Variants in UNC13B observed in about 807,000 individuals in gnomAD.
UNC13B encodes unc-13 homolog B.
A neutral mutation model predicts 211.0 loss-of-function variants in UNC13B; 144 were observed. The ratio of observed to expected loss-of-function variants is 0.68; its 90% confidence interval spans 0.60 to 0.78. The LOEUF (loss-of-function observed/expected upper bound fraction) is 0.78. Among genes scored for constraint, UNC13B ranks in the 30% least tolerant of loss-of-function variants. The pLI is 0.00. For synonymous variants in UNC13B, 709 were observed against 725.8 expected (o/e 0.98, Z 0.37); for missense variants, 1,777 against 2,002.0 (o/e 0.89, Z 2.14).
intron 26 of UNC13B, among the ~76,000 whole-genome samples, chr9:35,393,574 C>CTTTTTT (rs749007486): frequency 3.4e-5 from 4 of 118,876 alleles, no homozygotes; most frequent in Admixed American, 8.9e-5. Context: ...GACTCTCTCT[C>CTTTTTT]TTTTTTTTTT....
intron 14 of UNC13B, among the ~76,000 whole-genome samples, chr9:35,375,827 A>G (rs553285579): frequency 2.0e-5 from 3 of 152,272 alleles, no homozygotes; most frequent in Non-Finnish European, 4.4e-5. Flanking sequence ...CTAAAAATAC[A>G]AAAATTAGCT....
intron 11 of UNC13B, among the ~76,000 whole-genome samples, chr9:35,347,863 CT>C (rs1832465469): frequency 6.6e-6 from 1 of 152,160 alleles, no homozygotes; most frequent in African/African-American, 2.4e-5. Flanking sequence ...CATTTGCCCC[CT>C]GTGTGGCTGG....
At chr9:35,378,226 A>G in intron 16 of UNC13B, 69 bp from the exon 17 acceptor site, 2 of 1,591,088 alleles carry the variant, frequency 1.3e-6, no homozygotes, top group Non-Finnish European at 1.7e-6. Flanking sequence ...TAAGATGGAA[A>G]GCATATGAGT....
At chr9:35,326,202 G>A (rs550866205) in intron 11 of UNC13B, among the ~76,000 whole-genome samples, 38 of 151,998 alleles carry the variant, frequency 2.5e-4, no homozygotes, top group Non-Finnish European at 5.0e-4. Context: ...ATTTTGATTT[G>A]CATTTCCTTA....
At chr9:35,367,946 ATCAGAAGTC>A (rs1198571986) in intron 12 of UNC13B, among the ~76,000 whole-genome samples, 8 of 152,216 alleles carry the variant, frequency 5.3e-5, no homozygotes, top group Admixed American at 5.2e-4. Context: ...GGCTTCTGAC[ATCAGAAGTC>A]TCAGTAGTTG....
chr9:35,356,500 C>A (rs1440390640), intron 11 of UNC13B, among the ~76,000 whole-genome samples: 1 of 152,036 alleles, frequency 6.6e-6, no homozygotes, highest in Non-Finnish European at 1.5e-5. Context: ...TAGATGTCCA[C>A]CATATTGCCA....
chr9:35,392,431 G>A (rs1484574058), intron 26 of UNC13B, among the ~76,000 whole-genome samples: 1 of 152,128 alleles, frequency 6.6e-6, no homozygotes, highest in Non-Finnish European at 1.5e-5. Flanking sequence ...AATGGGCTTT[G>A]ATAGACATTG....
chr9:35,303,491 A>G lies in UNC13B; in HGVS notation c.4087A>G (p.Lys1363Glu), dbSNP rs1829783224. 2.5e-6 allele frequency: 1 copy of G among 398,724 alleles called. No individual in the cohort carries two copies. Among genetic ancestry groups the G allele is most frequent in the South Asian group, 1.3e-4 (1 of 7,870 alleles). The allele number at this position is 398,724 out of a possible 1,614,324, so 24.7% of individuals were successfully genotyped here. ...PFCFEWDSDIKDLSKNSRKLQ... is the reference protein window; with the variant it reads ...PFCFEWDSDIEDLSKNSRKLQ... ...CTGTTTTGAATGGGACTCTGACATAAAAGATTTGTCTAAAAATTCCAGAAA... is the reference window on the plus strand; with the variant it reads ...CTGTTTTGAATGGGACTCTGACATAGAAGATTTGTCTAAAAATTCCAGAAA... Residue 1363 changes from lysine to glutamate, a missense_variant, in exon 9 of 40, where the codon AAA becomes GAA. Coordinates refer to ENST00000635942, the MANE Select transcript of UNC13B (RefSeq NM_001371189.2).
At chr9:35,248,678 A>C (rs751402630) in intron 6 of UNC13B, among the ~76,000 whole-genome samples, 3 of 151,996 alleles carry the variant, frequency 2.0e-5, no homozygotes, top group Non-Finnish European at 2.9e-5. Flanking sequence ...GAATGAGTTT[A>C]TTACTCCTGA....
intron 2 of UNC13B, among the ~76,000 whole-genome samples, chr9:35,228,530 T>G (rs1448545850): frequency 6.6e-6 from 1 of 151,860 alleles, no homozygotes; most frequent in African/African-American, 2.4e-5. Context: ...TGGATAAATA[T>G]TGAAATATCA....
At chr9:35,365,570 AGGGATT>A (rs1184705407) in intron 11 of UNC13B, among the ~76,000 whole-genome samples, 1 of 148,488 alleles carries the variant, frequency 6.7e-6, no homozygotes, top group Non-Finnish European at 1.5e-5. Flanking sequence ...CTGGGGATTT[AGGGATT>A]GGCTCCCCAA....
rs1184920736 is a variant in UNC13B at position 35,304,051 on chromosome 9, G to A, written c.4647G>A (p.Gly1549=). The A allele has an allele frequency of 1.8e-5, 7 of 398,494 alleles. No homozygotes were observed. The highest frequency in any genetic ancestry group is 2.7e-5 in the Non-Finnish European group (6 of 225,828). The allele number at this position is 398,494 out of a possible 1,614,324, so 24.7% of individuals were successfully genotyped here. The change falls in exon 9 of 40, where the codon GGG becomes GGA. Residue 1549 remains glycine (G), a synonymous_variant. Transcript: ENST00000635942. The stretch of plus-strand genomic sequence containing the variant: ...ATTCTCTTCTCACTGATTCTACTGG[G>A]CAGTATGCATATTTATTTATACCTG... ...YIYSLLTDST[G]QYAYLFIPDS... is the part of the protein sequence containing the mutation.
intron 3 of UNC13B, among the ~76,000 whole-genome samples, chr9:35,234,433 G>A (rs773218829): frequency 6.6e-6 from 1 of 152,104 alleles, no homozygotes; most frequent in Non-Finnish European, 1.5e-5. Flanking sequence ...GCAATTTTTC[G>A]ATTCCATATT....
intron 7 of UNC13B, among the ~76,000 whole-genome samples, chr9:35,272,803 C>T (rs554203220): frequency 6.6e-6 from 1 of 152,174 alleles, no homozygotes; most frequent in Non-Finnish European, 1.5e-5. Context: ...GAAAATTCCA[C>T]GTAGCTTTTA....
chr9:35,257,416 A>T (rs1826983330), intron 6 of UNC13B, among the ~76,000 whole-genome samples: 2 of 141,582 alleles, frequency 1.4e-5, no homozygotes, highest in Non-Finnish European at 3.1e-5. Flanking sequence ...ATAAATATTT[A>T]TAAAAAATAT....
At chr9:35,282,742 A>T (rs934733709) in intron 7 of UNC13B, among the ~76,000 whole-genome samples, 5 of 151,996 alleles carry the variant, frequency 3.3e-5, no homozygotes, top group African/African-American at 1.2e-4. Flanking sequence ...ATCATGTCTT[A>T]CAATTATTTT....
intron 1 of UNC13B, among the ~76,000 whole-genome samples, chr9:35,204,369 C>A (rs1268196965): frequency 2.0e-5 from 3 of 152,230 alleles, no homozygotes; most frequent in Non-Finnish European, 4.4e-5. Context: ...CACTGGGGCA[C>A]TGCCTAGTGG....
chr9:35,378,385 C>T lies in UNC13B; in HGVS notation c.10154C>T (p.Thr3385Ile). 1 of 1,614,060 alleles carries T rather than the reference C, an allele frequency of 6.2e-7. No homozygotes were observed. Among genetic ancestry groups the T allele is most frequent in the Non-Finnish European group, 8.5e-7 (1 of 1,179,994 alleles). The change falls in exon 17 of 40, where the codon ACC becomes ATC. Residue 3385 changes from threonine (T) to isoleucine (I), a missense_variant. Thr to Ile is a moderately conservative substitution (Grantham distance 89). Coordinates refer to ENST00000635942, the MANE Select transcript of UNC13B (RefSeq NM_001371189.2). ...TVQVSKTKKRTKTIFGNLNPV... is the reference protein window; with the variant it reads ...TVQVSKTKKRIKTIFGNLNPV... ...CAAGTCAGCAAAACTAAGAAGCGTA[C>T]CAAGACCATTTTTGGAAACTTGAAT... is the stretch of plus-strand genomic sequence containing the variant.
At chr9:35,394,939 A>C (rs1835776353) in intron 26 of UNC13B, among the ~76,000 whole-genome samples, 1 of 152,216 alleles carries the variant, frequency 6.6e-6, no homozygotes, top group Admixed American at 6.5e-5. Context: ...GAGAAAGTGA[A>C]AATTATATGT....
Sources: allele counts gnomAD v4.1 joint callset (sites outside exome capture counted in the v4.1 genomes callset), GRCh38; gene constraint gnomAD v4.1.1; transcripts MANE v1.5; gene names NCBI Gene and HGNC (gene_info 2026-07-23, HGNC 2026-07-21).